HELZ: variants seen among roughly 807,000 people sequenced by gnomAD.
HELZ encodes ATP-dependent RNA helicase with zinc finger domain.
Under a neutral mutation model 218.2 loss-of-function variants are expected in HELZ, and 23 were observed. The observed-to-expected ratio is 0.11, with a 90% CI of 0.08 to 0.15. The LOEUF (loss-of-function observed/expected upper bound fraction) is 0.15, where lower values mean the gene tolerates loss of function less well. Ranked by LOEUF, HELZ falls within the 10% of genes least tolerant of loss-of-function variation. The pLI is 1.00. For synonymous variants in HELZ, 814 were observed against 829.4 expected (o/e 0.98, Z 0.32); for missense variants, 1,813 against 2,353.7 (o/e 0.77, Z 4.75).
intron 16 of HELZ, 46 bp from the exon 17 acceptor site, chr17:67,160,408 A>C: frequency 1.5e-6 from 2 of 1,338,028 alleles, no homozygotes; most frequent in Middle Eastern, 1.8e-4. Context: ...AAAACACAAA[A>C]CTATTCAAGC....
At chr17:67,122,034 T>C (rs1483319489) in intron 26 of HELZ, among the ~76,000 whole-genome samples, 4 of 152,236 alleles carry the variant, frequency 2.6e-5, no homozygotes, top group Non-Finnish European at 5.9e-5. Context: ...GATTACAAAT[T>C]AAATATTTAG....
At position 67,161,068 on chromosome 17, in the gene HELZ, T is replaced by G. The variant is rs778537274; in HGVS notation, c.1904A>C (p.Asp635Ala). ...ATTTAGTCGAGGATCCAACTGTTCA[T>G]CCCATTGTCTATGGAAAATAAAAAT... is the stretch of plus-strand genomic sequence containing the variant. ...TIPWSPNRQW[D>A]EQLDPRLNAK... Residue 635 changes from aspartate to alanine, a missense_variant, in exon 16 of 33, where the codon GAT (aspartate) becomes GCT (alanine). Physicochemically the swap from Asp to Ala is moderately radical, Grantham distance 126. Coordinates refer to ENST00000358691, the MANE Select transcript of HELZ (RefSeq NM_014877.4). The G allele has an allele frequency of 2.5e-6, 4 of 1,605,036 alleles. No individual in the cohort carries two copies. Among genetic ancestry groups the G allele is most frequent in the Non-Finnish European group, 2.6e-6 (3 of 1,176,098 alleles).
intron 5 of HELZ, among the ~76,000 whole-genome samples, chr17:67,214,456 G>A (rs2040542321): frequency 6.6e-6 from 1 of 151,020 alleles, no homozygotes; most frequent in South Asian, 2.1e-4. Context: ...AGTAGAGATG[G>A]GGTTTCACCA....
Position 67,073,515 on chromosome 17 carries a change from C to T in HELZ, c.*4737G>A, listed in dbSNP as rs1406479342. ...TATGAATGTCTCTGGGTTTTCTTAA[C>T]ACTCCAGTTTTAGACGCTTTAGACG... On this transcript the variant is annotated 3_prime_UTR_variant, in exon 33 of 33. Transcript: ENST00000358691. The T allele has an allele frequency of 6.6e-6, 1 of 152,268 alleles. No homozygotes were observed. The highest frequency in any genetic ancestry group is 1.5e-5 in the Non-Finnish European group (1 of 68,028). 9.4% of individuals were successfully genotyped at this position (152,268 alleles called of 1,614,324 possible). A position where few individuals can be genotyped will look rare whatever the true frequency, so the allele number is the denominator to read the frequency against.
intron 8 of HELZ, among the ~76,000 whole-genome samples, chr17:67,194,568 A>C (rs930951293): frequency 1.3e-4 from 20 of 152,252 alleles, no homozygotes; most frequent in Non-Finnish European, 2.6e-4. Context: ...ATAAAGTTCA[A>C]AAAGTTTAAT....
chr17:67,172,713 T>A (rs2039348089), intron 13 of HELZ, among the ~76,000 whole-genome samples: 1 of 152,124 alleles, frequency 6.6e-6, no homozygotes, highest in Admixed American at 6.5e-5. Context: ...GCTCAAGCGA[T>A]CCTCCCCTCA....
intron 23 of HELZ, among the ~76,000 whole-genome samples, chr17:67,132,238 G>A (rs186428330): frequency 1.3e-5 from 2 of 152,244 alleles, no homozygotes; most frequent in East Asian, 1.9e-4. Context: ...GTGTGTGTGT[G>A]TGTGTGTGTA....
At chr17:67,210,948 T>C (rs2040434449) in intron 5 of HELZ, among the ~76,000 whole-genome samples, 2 of 152,138 alleles carry the variant, frequency 1.3e-5, no homozygotes, top group Admixed American at 1.3e-4. Flanking sequence ...ATAATGACTA[T>C]TCGAAAGGCA....
In HELZ at chr17:67,077,379, T is replaced by C. The variant is rs2036043902; in HGVS notation, c.*873A>G. On this transcript the variant is annotated 3_prime_UTR_variant, in exon 33 of 33. Coordinates refer to ENST00000358691, the MANE Select transcript of HELZ (RefSeq NM_014877.4). ...AAGCCAGGTTACAAACATTTACACA[T>C]GCATAGTGAGAAAAAAAGAATTTTA... is the stretch of plus-strand genomic sequence containing the variant. 1 of 152,390 alleles carries C rather than the reference T, an allele frequency of 6.6e-6. No homozygotes were observed. The highest frequency in any genetic ancestry group is 1.5e-5 in the Non-Finnish European group (1 of 68,000). 9.4% of individuals were successfully genotyped at this position (152,390 alleles called of 1,614,324 possible). A position where few individuals can be genotyped will look rare whatever the true frequency, so the allele number is the denominator to read the frequency against.
chr17:67,163,396 C>G (rs2039044634), intron 15 of HELZ, among the ~76,000 whole-genome samples: 1 of 17,960 alleles, frequency 5.6e-5, no homozygotes, highest in Middle Eastern at 0.028. Flanking sequence ...AGAGACCCAA[C>G]TTAGTATCTT....
chr17:67,244,545 T>A (rs1012533886), intron 1 of HELZ: 1 of 931,654 alleles, frequency 1.1e-6, no homozygotes, highest in African/African-American at 1.8e-5. Context: ...TTTTTGTTGA[T>A]GTGCTTGTGG....
rs1222503436 is a variant in HELZ, at chr17:67,218,684, T to C, written c.121A>G (p.Met41Val). 5 of 1,614,202 alleles carry C rather than the reference T, an allele frequency of 3.1e-6. No homozygotes were observed. The highest frequency in any genetic ancestry group is 1.1e-5 in the South Asian group (1 of 91,086). Residue 41 changes from methionine (M) to valine (V), a missense_variant, in exon 4 of 33, where the codon ATG becomes GTG. Coordinates refer to ENST00000358691, the MANE Select transcript of HELZ (RefSeq NM_014877.4). ...EALLSLGQYS[M>V]ADFTGPCPLE... is the part of the protein sequence containing the mutation. ...GGACAAGGCCCTGTGAAGTCTGCCA[T>C]GGAGTACTGGCCAAGAGAAAGAAGG...
chr17:67,242,460 A>G (rs919665070), intron 2 of HELZ, among the ~76,000 whole-genome samples: 1 of 151,378 alleles, frequency 6.6e-6, no homozygotes, highest in Non-Finnish European at 1.5e-5. Flanking sequence ...ATACATAGAT[A>G]CACACATATA....
intron 13 of HELZ, among the ~76,000 whole-genome samples, chr17:67,173,510 T>C (rs137988871): frequency 6.6e-6 from 1 of 152,326 alleles, no homozygotes; most frequent in African/African-American, 2.4e-5. Context: ...TATGGCTCTA[T>C]CAACCTTAGT....
At chr17:67,081,614 A>G (rs1276158748) in intron 32 of HELZ, among the ~76,000 whole-genome samples, 1 of 151,986 alleles carries the variant, frequency 6.6e-6, no homozygotes, top group Non-Finnish European at 1.5e-5. Context: ...GGAGAGGACC[A>G]TGCCATCTTT....
At chr17:67,133,778 G>A (rs973386714) in intron 23 of HELZ, among the ~76,000 whole-genome samples, 1 of 152,178 alleles carries the variant, frequency 6.6e-6, no homozygotes, top group African/African-American at 2.4e-5. Context: ...GCCTCTCAGA[G>A]TGCTGGGATT....
chr17:67,162,132 C>A (rs1389154865), intron 15 of HELZ, among the ~76,000 whole-genome samples: 2 of 152,010 alleles, frequency 1.3e-5, no homozygotes, highest in Non-Finnish European at 2.9e-5. Flanking sequence ...AAATTATAAC[C>A]TGGCCAGGCA....
intron 14 of HELZ, 88 bp downstream of exon 14, chr17:67,167,375 G>T: frequency 1.0e-6 from 1 of 1,000,028 alleles, no homozygotes; most frequent in Non-Finnish European, 1.5e-6. Flanking sequence ...TTTTGTTTAC[G>T]GCAGAAGAAA....
intron 2 of HELZ, among the ~76,000 whole-genome samples, chr17:67,243,247 C>A (rs1422858529): frequency 6.6e-6 from 1 of 152,154 alleles, no homozygotes; most frequent in East Asian, 1.9e-4. Context: ...TCAACACTAT[C>A]ATCTTTATTT....
Sources: gnomAD v4.1 joint callset for allele counts (sites outside exome capture counted in the v4.1 genomes callset) on GRCh38, gnomAD v4.1.1 for gene constraint, MANE v1.5 for transcripts, NCBI Gene and HGNC (gene_info 2026-07-23, HGNC 2026-07-21) for gene names.